The following DIS3L2 variants were observed in gnomAD, a reference collection of about 807,000 sequenced individuals.
DIS3L2 encodes the protein DIS3-like exonuclease 2.
In DIS3L2, 34 loss-of-function variants were observed where a neutral mutation model predicts 97.5. That is an observed-to-expected ratio of 0.35 (90% CI 0.27 to 0.46). The LOEUF (loss-of-function observed/expected upper bound fraction) is 0.46, where lower values mean the gene tolerates loss of function less well. Ranked by LOEUF, DIS3L2 falls within the 20% of genes least tolerant of loss-of-function variation. DIS3L2 has a pLI of 1.00. For missense variants in DIS3L2, 1,038 were observed against 1,146.0 expected, an observed-to-expected ratio of 0.91 and a Z score of 1.36; for synonymous variants, 435 against 445.2, an observed-to-expected ratio of 0.98 and a Z score of 0.29.
chr2:232,230,378 C>T (rs947009804), intron 10 of DIS3L2, among the ~76,000 whole-genome samples: 5 of 152,216 alleles, frequency 3.3e-5, no homozygotes, highest in Non-Finnish European at 7.3e-5. Context: ...GCCGTTTGAA[C>T]AGCGGAACAT....
At chr2:232,202,018 A>G (rs2106208109) in intron 9 of DIS3L2, among the ~76,000 whole-genome samples, 1 of 152,346 alleles carries the variant, frequency 6.6e-6, no homozygotes, top group South Asian at 2.1e-4. Flanking sequence ...GGTTTAAACC[A>G]TGGCTTTCCT....
chr2:232,247,616 C>CGGTGGGGG (rs1559173558), intron 11 of DIS3L2, among the ~76,000 whole-genome samples: 3 of 6,518 alleles, frequency 4.6e-4, no homozygotes, highest in Admixed American at 1.2e-3. Flanking sequence ...ATAACTGCCG[C>CGGTGGGGG]GGGGGGGGGG....
chr2:232,026,458 A>C (rs1176997812), intron 4 of DIS3L2, among the ~76,000 whole-genome samples: 1 of 151,950 alleles, frequency 6.6e-6, no homozygotes, highest in African/African-American at 2.4e-5. Flanking sequence ...TTTCATGCCC[A>C]AACGTGGGCA....
chr2:232,120,387 A>G (rs981971457), intron 6 of DIS3L2, among the ~76,000 whole-genome samples: 1 of 152,120 alleles, frequency 6.6e-6, no homozygotes, highest in Non-Finnish European at 1.5e-5. Context: ...GTTATTTGGT[A>G]TGTGTGAGCC....
At chr2:232,100,366 G>T (rs1697161528) in intron 6 of DIS3L2, among the ~76,000 whole-genome samples, 1 of 151,730 alleles carries the variant, frequency 6.6e-6, no homozygotes, top group African/African-American at 2.4e-5. Flanking sequence ...GATGTTTTGT[G>T]TATCTTTGAT....
chr2:232,334,140 T>C (rs1695860783), intron 17 of DIS3L2, among the ~76,000 whole-genome samples, 153 bp downstream of exon 17: 1 of 152,012 alleles, frequency 6.6e-6, no homozygotes, highest in African/African-American at 2.4e-5. Context: ...GCCTGGAAAC[T>C]CTCCCTACGG....
At chr2:232,253,179 T>C (rs1008766830) in intron 12 of DIS3L2, among the ~76,000 whole-genome samples, 2 of 152,124 alleles carry the variant, frequency 1.3e-5, no homozygotes, top group Admixed American at 6.5e-5. Context: ...ATCATAAAAT[T>C]AATAATTTTT....
intron 13 of DIS3L2, among the ~76,000 whole-genome samples, chr2:232,297,016 G>A (rs746881718): frequency 2.6e-5 from 4 of 151,190 alleles, no homozygotes; most frequent in Non-Finnish European, 4.4e-5. Flanking sequence ...AGCATTGTGT[G>A]GGGTCTGGGA....
chr2:231,977,867 T>A (rs569276394), intron 1 of DIS3L2, among the ~76,000 whole-genome samples: 2 of 152,228 alleles, frequency 1.3e-5, no homozygotes, highest in East Asian at 3.9e-4. Context: ...GTGTTACACA[T>A]GTTTTTTGTT....
intron 14 of DIS3L2, among the ~76,000 whole-genome samples, chr2:232,308,103 C>T (rs1254684299): frequency 6.6e-6 from 1 of 152,240 alleles, no homozygotes; most frequent in Non-Finnish European, 1.5e-5. Context: ...CATCAGAGTT[C>T]TGGGTTAGGC....
intron 6 of DIS3L2, among the ~76,000 whole-genome samples, chr2:232,125,987 G>A (rs1033826157): frequency 2.0e-5 from 3 of 152,136 alleles, no homozygotes; most frequent in African/African-American, 7.2e-5. Context: ...GAACTCTTTG[G>A]AAATTGTAAA....
chr2:232,272,077 TGGC>T (rs1694020495), intron 13 of DIS3L2, among the ~76,000 whole-genome samples: 1 of 152,222 alleles, frequency 6.6e-6, no homozygotes, highest in Non-Finnish European at 1.5e-5. Context: ...TTCTGTTGAG[TGGC>T]TCATTATTAT....
chr2:232,212,954 G>T (rs988176729), intron 10 of DIS3L2, among the ~76,000 whole-genome samples: 1 of 152,192 alleles, frequency 6.6e-6, no homozygotes, highest in Non-Finnish European at 1.5e-5. Context: ...TGGGAATCAG[G>T]AGTACAAGCT....
intron 1 of DIS3L2, among the ~76,000 whole-genome samples, chr2:231,964,487 G>A (rs1692657998): frequency 6.6e-6 from 1 of 152,154 alleles, no homozygotes; most frequent in African/African-American, 2.4e-5. Flanking sequence ...AGACACTATG[G>A]CACTGGAAAA....
chr2:232,080,483 T>C (rs1385339235), intron 5 of DIS3L2, among the ~76,000 whole-genome samples: 7 of 152,196 alleles, frequency 4.6e-5, no homozygotes, highest in Admixed American at 4.6e-4. Context: ...ATACTTCAGG[T>C]ATCTCCAAAA....
At chr2:232,090,506 CT>C (rs1696805311) in intron 6 of DIS3L2, among the ~76,000 whole-genome samples, 1 of 152,114 alleles carries the variant, frequency 6.6e-6, no homozygotes, top group Non-Finnish European at 1.5e-5. Flanking sequence ...GCAATTTGCT[CT>C]TTTGAAAATC....
intron 5 of DIS3L2, among the ~76,000 whole-genome samples, chr2:232,079,367 C>A (rs1015754754): frequency 6.6e-6 from 1 of 151,750 alleles, no homozygotes; most frequent in Non-Finnish European, 1.5e-5. Context: ...GAGGCTGAGG[C>A]GGGCAGATCA....
chr2:232,303,725 A>G (rs1452568508), intron 14 of DIS3L2, among the ~76,000 whole-genome samples: 3 of 152,172 alleles, frequency 2.0e-5, no homozygotes, highest in African/African-American at 7.2e-5. Flanking sequence ...TCAGCCCTCC[A>G]TTAACGGGAT....
downstream of DIS3L2, chr2:232,340,662 A>G (rs1559224257): frequency 4.3e-6 from 2 of 468,302 alleles, no homozygotes; most frequent in Non-Finnish European, 8.8e-6. Flanking sequence ...GGAAGACTCC[A>G]TCCAATCTCA....
Sources: gnomAD v4.1 joint callset for allele counts (sites outside exome capture counted in the v4.1 genomes callset) on GRCh38, gnomAD v4.1.1 for gene constraint, MANE v1.5 for transcripts, NCBI Gene and HGNC (gene_info 2026-07-23, HGNC 2026-07-21) for gene names.